Variants in PRUNE2 observed in about 807,000 individuals in gnomAD.
The protein encoded by PRUNE2 is protein prune homolog 2.
In PRUNE2, 164 loss-of-function variants were observed where a neutral mutation model predicts 252.0. The observed-to-expected ratio is 0.65, with a 90% CI of 0.57 to 0.74. The LOEUF is 0.74. PRUNE2 is among the 30% of genes least tolerant of loss of function. PRUNE2 has a pLI of 0.00. For missense variants in PRUNE2, 3,495 were observed against 3,711.0 expected (o/e 0.94, Z 1.51); for synonymous variants, 1,292 against 1,350.2 (o/e 0.96, Z 0.94).
chr9:76,709,523 A>T lies in PRUNE2; in HGVS notation c.2751T>A (p.Asp917Glu). ...TATTCTCCTCAAAAAGGTTCCAGGA[A>T]TCTACCTTTTCATATACCTTGCCCC... ...KTRGKVYEKVDSWNLFEENMK... is the reference protein window; with the variant it reads ...KTRGKVYEKVESWNLFEENMK... The change falls in exon 8 of 19, where the codon GAT (aspartate) becomes GAA (glutamate). Residue 917 changes from aspartate to glutamate, a missense_variant. Transcript: ENST00000376718. 6.2e-7 allele frequency: 1 copy of T among 1,613,780 alleles called. No individual in the cohort carries two copies. The highest frequency in any genetic ancestry group is 8.5e-7 in the Non-Finnish European group (1 of 1,179,850).
At chr9:76,670,887 C>G (rs1480522701) in intron 9 of PRUNE2, among the ~76,000 whole-genome samples, 4 of 151,986 alleles carry the variant, frequency 2.6e-5, no homozygotes, top group South Asian at 2.1e-4. Flanking sequence ...ACATCCACAC[C>G]AAAAACCCAT....
At chr9:76,631,389 A>G (rs2132401790) in intron 15 of PRUNE2, among the ~76,000 whole-genome samples, 1 of 152,248 alleles carries the variant, frequency 6.6e-6, no homozygotes, top group East Asian at 1.9e-4. Flanking sequence ...TCTTCTCTCT[A>G]ATTTCAGCTG....
chr9:76,639,325 C>T (rs976129953), intron 12 of PRUNE2, among the ~76,000 whole-genome samples: 4 of 151,910 alleles, frequency 2.6e-5, no homozygotes, highest in Admixed American at 1.3e-4. Flanking sequence ...ACCTTGTCCC[C>T]GCTAAAAATA....
intron 6 of PRUNE2, among the ~76,000 whole-genome samples, chr9:76,749,437 C>G: frequency 6.6e-6 from 1 of 152,172 alleles, no homozygotes; most frequent in East Asian, 1.9e-4. Context: ...ACCTGTAAGC[C>G]CCTCACTTCA....
At chr9:76,828,677 T>A (rs979930839) in intron 4 of PRUNE2, among the ~76,000 whole-genome samples, 5 of 152,180 alleles carry the variant, frequency 3.3e-5, no homozygotes, top group African/African-American at 1.2e-4. Context: ...ATTTTGTGTA[T>A]ACCCTGTGGT....
At chr9:76,628,240 C>G (rs2132272436) in intron 16 of PRUNE2, among the ~76,000 whole-genome samples, 1 of 152,168 alleles carries the variant, frequency 6.6e-6, no homozygotes. Flanking sequence ...TTTTAAAATC[C>G]CAGCTCCAAG....
At chr9:76,894,717 CAAA>C (rs113594017) in intron 1 of PRUNE2, among the ~76,000 whole-genome samples, 29 of 120,542 alleles carry the variant, frequency 2.4e-4, no homozygotes, top group Non-Finnish European at 2.4e-4. Context: ...TTTTCTGCAG[CAAA>C]AAAAAAAAAA....
intron 7 of PRUNE2, among the ~76,000 whole-genome samples, chr9:76,712,698 A>C (rs375242920): frequency 6.6e-6 from 1 of 152,202 alleles, no homozygotes; most frequent in Middle Eastern, 3.2e-3. Flanking sequence ...CCAAAGATGA[A>C]ATTTAGCTTT....
chr9:76,839,405 T>C (rs1244907165), intron 4 of PRUNE2, among the ~76,000 whole-genome samples: 1 of 152,146 alleles, frequency 6.6e-6, no homozygotes, highest in Non-Finnish European at 1.5e-5. Flanking sequence ...GATGACGAGA[T>C]ACTATAGATG....
chr9:76,767,687 C>T (rs943826629), intron 6 of PRUNE2, among the ~76,000 whole-genome samples: 5 of 152,240 alleles, frequency 3.3e-5, no homozygotes, highest in African/African-American at 1.2e-4. Flanking sequence ...CATCTCTTGA[C>T]CCTATTTTGT....
chr9:76,735,640 G>T (rs983160418), intron 6 of PRUNE2, among the ~76,000 whole-genome samples: 8 of 151,960 alleles, frequency 5.3e-5, no homozygotes, highest in Admixed American at 4.6e-4. Flanking sequence ...TCAAACAAAG[G>T]TTGATATTAT....
Position 76,644,881 on chromosome 9 carries a change from T to G in PRUNE2, c.8586A>C (p.Gln2862His). 2 of 1,613,798 alleles carry G rather than the reference T, an allele frequency of 1.2e-6. No homozygotes were observed. The highest frequency in any genetic ancestry group is 1.7e-6 in the Non-Finnish European group (2 of 1,179,790). Residue 2862 changes from glutamine (Q) to histidine (H), a missense_variant, in exon 12 of 19, where the codon CAA (glutamine) becomes CAC (histidine). By Grantham distance (24) the Gln-to-His change is conservative. Transcript: ENST00000376718. ...HDPTANKDSGQESESIPEYTA... is the reference protein window; with the variant it reads ...HDPTANKDSGHESESIPEYTA... Reference sequence around the variant, plus strand: ...TATATTCTGGAATAGACTCTGACTCTTGGCCAGAATCTTTGTTGGCTGTGG... The same window carrying G: ...TATATTCTGGAATAGACTCTGACTCGTGGCCAGAATCTTTGTTGGCTGTGG...
intron 4 of PRUNE2, among the ~76,000 whole-genome samples, chr9:76,840,021 G>T (rs1389742216): frequency 6.6e-6 from 1 of 152,216 alleles, no homozygotes; most frequent in Non-Finnish European, 1.5e-5. Context: ...AATTAGACAA[G>T]CATGTGAAGA....
chr9:76,697,379 T>C (rs1000967210), intron 9 of PRUNE2, among the ~76,000 whole-genome samples: 34 of 152,152 alleles, frequency 2.2e-4, no homozygotes, highest in African/African-American at 7.5e-4. Context: ...TAAATGAACA[T>C]TGAGGGGCTT....
At chr9:76,882,782 G>T (rs1158143235) in intron 1 of PRUNE2, among the ~76,000 whole-genome samples, 8 of 152,146 alleles carry the variant, frequency 5.3e-5, no homozygotes, top group Middle Eastern at 3.2e-3. Context: ...CAACAATGGG[G>T]ATTACAATTC....
In PRUNE2 at chr9:76,612,710, T is replaced by C. The variant is rs989999751; in HGVS notation, c.*1860A>G. 2.0e-5 allele frequency: 3 copies of C among 152,146 alleles called. No homozygotes were observed. Among genetic ancestry groups the C allele is most frequent in the African/African-American group, 7.2e-5 (3 of 41,386 alleles). 9.4% of individuals were successfully genotyped at this position (152,146 alleles called of 1,614,324 possible). On this transcript the variant is annotated 3_prime_UTR_variant, in exon 19 of 19. Coordinates refer to ENST00000376718, the MANE Select transcript of PRUNE2 (RefSeq NM_015225.3). ...ATCAAGAGGAGAAAAGAGAAAACGA[T>C]GGAGGCTTATGGAGGAAAGAGGGCT... is the stretch of plus-strand genomic sequence containing the variant.
At chr9:76,794,034 C>G (rs955250664) in intron 6 of PRUNE2, among the ~76,000 whole-genome samples, 14 of 152,098 alleles carry the variant, frequency 9.2e-5, no homozygotes, top group Non-Finnish European at 1.5e-5. Context: ...TTGTCTGAAG[C>G]CAAGCAGGTT....
At chr9:76,850,692 A>T in intron 2 of PRUNE2, 27 bp from the exon 3 acceptor site, 1 of 1,513,190 alleles carries the variant, frequency 6.6e-7, no homozygotes, top group Non-Finnish European at 9.2e-7. Context: ...TGACTGAATT[A>T]CTGAAAATAG....
chr9:76,730,471 G>A (rs1189320693), intron 6 of PRUNE2, among the ~76,000 whole-genome samples: 6 of 152,148 alleles, frequency 3.9e-5, no homozygotes, highest in Non-Finnish European at 2.9e-5. Context: ...TGACTCAGGG[G>A]GCCTGAGATT....
Sources: allele counts gnomAD v4.1 joint callset (sites outside exome capture counted in the v4.1 genomes callset), GRCh38; gene constraint gnomAD v4.1.1; transcripts MANE v1.5; gene names NCBI Gene and HGNC (gene_info 2026-07-23, HGNC 2026-07-21).